The following RUVBL1 variants were observed in gnomAD, a reference collection of about 807,000 sequenced individuals.
RUVBL1 encodes the protein RuvB like AAA ATPase 1.
Under a neutral mutation model 52.4 loss-of-function variants are expected in RUVBL1, and 4 were observed. The observed-to-expected ratio is 0.08, with a 90% CI of 0.04 to 0.17. The LOEUF (loss-of-function observed/expected upper bound fraction) is 0.17. Ranked by LOEUF, RUVBL1 falls within the 10% of genes least tolerant of loss-of-function variation. The pLI, the probability that RUVBL1 is intolerant of heterozygous loss-of-function variation, is 1.00. For synonymous variants in RUVBL1, 217 were observed against 214.4 expected (o/e 1.01, Z -0.10); for missense variants, 298 against 572.8 (o/e 0.52, Z 4.90).
rs1040960412 is a variant in RUVBL1, at chr3:128,067,293, T to G, written c.940-2073A>C. The stretch of plus-strand genomic sequence containing the variant: ...AAATTCAGCACATTAAATTATCTTT[T>G]CAGTAAAAAAATTGTACTGTGGGCA... On this transcript the variant is annotated intron_variant, in intron 9 of 9. Transcript: ENST00000464873. The surrounding 1 kb of genome is among the most constrained non-coding windows in gnomAD (Gnocchi z 4.1). 2 of 1,294,394 alleles carry G rather than the reference T, an allele frequency of 1.5e-6. No individual in the cohort carries two copies. Among genetic ancestry groups the G allele is most frequent in the Non-Finnish European group, 2.2e-6 (2 of 927,002 alleles). The allele number at this position is 1,294,394 out of a possible 1,614,324, so 80.2% of individuals were successfully genotyped here.
At chr3:128,152,104 T>C (rs1173821892) in intron 1 of RUVBL1, among the ~76,000 whole-genome samples, 1 of 152,232 alleles carries the variant, frequency 6.6e-6, no homozygotes, top group Non-Finnish European at 1.5e-5. Flanking sequence ...TTCTCTTCTT[T>C]GATTTACCCA....
chr3:128,087,915 T>A, intron 8 of RUVBL1, 107 bp from the exon 9 acceptor site: 2 of 795,702 alleles, frequency 2.5e-6, no homozygotes, highest in African/African-American at 1.7e-5. Flanking sequence ...CTAGGCAGCC[T>A]AAGAATCAGA....
chr3:128,067,332 C>T lies in RUVBL1; in HGVS notation c.940-2112G>A. ...GTACTGTGGGCACCGAGTAAAATTG[C>T]ATTCTTTCATCTGCTCAGAACTATT... On this transcript the variant is annotated intron_variant, in intron 9 of 9. Transcript: ENST00000464873. This position sits in a 1 kb window ranked among gnomAD's most constrained non-coding sequence, Gnocchi z 4.1. 7.1e-7 allele frequency: 1 copy of T among 1,410,834 alleles called. No homozygotes were observed. The highest frequency in any genetic ancestry group is 9.7e-7 in the Non-Finnish European group (1 of 1,030,652). 87.4% of individuals were successfully genotyped at this position (1,410,834 alleles called of 1,614,324 possible). A position where few individuals can be genotyped will look rare whatever the true frequency, so the allele number is the denominator to read the frequency against.
At position 128,081,318 on chromosome 3, in the gene RUVBL1, C is replaced by G. The variant is rs752298560; in HGVS notation, c.1303G>C (p.Glu435Gln). 6.2e-7 allele frequency: 1 copy of G among 1,614,230 alleles called. No homozygotes were observed. The highest frequency in any genetic ancestry group is 1.1e-5 in the South Asian group (1 of 91,090). ...IEKEHVEEIS[E>Q]LFYDAKSSAK... is the part of the protein sequence containing the mutation. ...GAGGACTTGGCATCATAGAAAAGTT[C>G]ACTGATCTCTTCGACATGCTCTTTC... Residue 435 changes from glutamate (E) to glutamine (Q), a missense_variant, in exon 11 of 11, where the codon GAA becomes CAA. Glu to Gln is a conservative substitution (Grantham distance 29). Coordinates refer to ENST00000322623, the MANE Select transcript of RUVBL1 (RefSeq NM_003707.3). The surrounding 1 kb of genome is among the most constrained non-coding windows in gnomAD (Gnocchi z 4.8).
chr3:128,149,274 T>G (rs1944149798), intron 1 of RUVBL1, among the ~76,000 whole-genome samples: 2 of 151,064 alleles, frequency 1.3e-5, no homozygotes, highest in African/African-American at 4.9e-5. Flanking sequence ...AACCTCTGCA[T>G]CCCGGGTTCA....
At chr3:128,122,114 T>C (rs1296934395) in intron 1 of RUVBL1, among the ~76,000 whole-genome samples, 3 of 152,194 alleles carry the variant, frequency 2.0e-5, no homozygotes, top group Admixed American at 6.5e-5. Context: ...TTTAAATACA[T>C]AGACTTGAGT....
intron 1 of RUVBL1, among the ~76,000 whole-genome samples, chr3:128,131,014 G>C (rs960179165): frequency 6.6e-6 from 1 of 151,994 alleles, no homozygotes; most frequent in Non-Finnish European, 1.5e-5. Context: ...AGCTACTTGG[G>C]AGGCTGAGGC....
intron 8 of RUVBL1, among the ~76,000 whole-genome samples, chr3:128,091,293 CT>C (rs1434422674): frequency 1.9e-5 from 2 of 103,904 alleles, no homozygotes; most frequent in Non-Finnish European, 3.7e-5. Context: ...TCAGCAGGAG[CT>C]GGGGGAACGG....
At chr3:128,126,823 C>T (rs1217871109), upstream of RUVBL1, among the ~76,000 whole-genome samples, 2 of 152,244 alleles carry the variant, frequency 1.3e-5, no homozygotes, top group Non-Finnish European at 2.9e-5. Context: ...TGACCAGCGT[C>T]CATCCCACTT....
chr3:128,141,040 T>A (rs534403566), intron 1 of RUVBL1, among the ~76,000 whole-genome samples: 1 of 152,354 alleles, frequency 6.6e-6, no homozygotes, highest in African/African-American at 2.4e-5. Flanking sequence ...TTGTATTTAT[T>A]TTTGTGGTTT....
At chr3:128,144,658 C>T (rs544478838) in intron 1 of RUVBL1, among the ~76,000 whole-genome samples, 1 of 152,334 alleles carries the variant, frequency 6.6e-6, no homozygotes, top group Non-Finnish European at 1.5e-5. Flanking sequence ...GAGGCCCTTG[C>T]TCTCCAGGCA....
At chr3:128,107,093 C>T (rs1014342093) in intron 3 of RUVBL1, among the ~76,000 whole-genome samples, 10 of 152,166 alleles carry the variant, frequency 6.6e-5, no homozygotes, top group African/African-American at 1.4e-4. Context: ...CAGTGGGACC[C>T]GGTGAAGTAA....
At chr3:128,121,419 T>TA (rs1037691265) in intron 1 of RUVBL1, among the ~76,000 whole-genome samples, 5 of 147,542 alleles carry the variant, frequency 3.4e-5, no homozygotes, top group East Asian at 2.2e-4. Flanking sequence ...TCTAAATAGA[T>TA]AAAAAACCTA....
In RUVBL1 at chr3:128,101,565, G is replaced by A. The variant is rs1054341422; in HGVS notation, c.597C>T (p.Ala199=). The A allele has an allele frequency of 9.9e-6, 16 of 1,613,770 alleles. No homozygotes were observed. The highest frequency in any genetic ancestry group is 3.3e-5 in the South Asian group (3 of 91,068). Residue 199 remains alanine (A), a synonymous_variant, in exon 5 of 11, where the codon GCC becomes GCT. Coordinates refer to ENST00000322623, the MANE Select transcript of RUVBL1 (RefSeq NM_003707.3). ...DVIYIEANSG[A]VKRQGRCDTY... ...GTCCCAAGGAAGGCATTACCTTCACGGCCCCACTGTTGGCTTCAATGTAAA... is the reference window on the plus strand; with the variant it reads ...GTCCCAAGGAAGGCATTACCTTCACAGCCCCACTGTTGGCTTCAATGTAAA...
chr3:128,151,013 A>ATT (rs1944197745), intron 1 of RUVBL1, among the ~76,000 whole-genome samples: 1 of 96,612 alleles, frequency 1.0e-5, no homozygotes, highest in South Asian at 2.7e-4. Context: ...TATATTATAT[A>ATT]TTATATATAT....
At chr3:128,066,820 A>T (rs894153009) in intron 9 of RUVBL1, 4 of 772,248 alleles carry the variant, frequency 5.2e-6, no homozygotes, top group East Asian at 2.7e-5. Flanking sequence ...AGCTCTCGGA[A>T]CTGGGAGCCC....
chr3:128,069,956 C>T (rs926861432), intron 9 of RUVBL1: 2 of 301,142 alleles, frequency 6.6e-6, no homozygotes, highest in Admixed American at 4.8e-5. Context: ...TTAACCTTTG[C>T]ACCTTCTCAG....
chr3:128,125,981 T>C (rs529315407), upstream of RUVBL1, among the ~76,000 whole-genome samples: 1 of 152,370 alleles, frequency 6.6e-6, no homozygotes, highest in African/African-American at 2.4e-5. Context: ...TTGTATCTTT[T>C]GGCACAGAAA....
chr3:128,117,426 T>C (rs1427503952), intron 2 of RUVBL1, among the ~76,000 whole-genome samples: 5 of 152,066 alleles, frequency 3.3e-5, no homozygotes, highest in Non-Finnish European at 7.4e-5. Context: ...TAGATGCCAG[T>C]AGCACCCCCA....
Sources: gnomAD v4.1 joint callset for allele counts (sites outside exome capture counted in the v4.1 genomes callset) on GRCh38, gnomAD v4.1.1 for gene constraint, Gnocchi (gnomAD v3.1) non-coding constraint, MANE v1.5 for transcripts, NCBI Gene and HGNC (gene_info 2026-07-23, HGNC 2026-07-21) for gene names.